The following OR4N2 variants were observed in gnomAD, a reference collection of about 807,000 sequenced individuals.
OR4N2 encodes the protein olfactory receptor 4N2.
For synonymous variants in OR4N2, 141 were observed against 140.4 expected, an observed-to-expected ratio of 1.00 and a Z score of -0.03; for missense variants, 307 against 377.6, an observed-to-expected ratio of 0.81 and a Z score of 1.55.
intron 1 of OR4N2, among the ~76,000 whole-genome samples, chr14:19,806,180 T>C (rs2635545): frequency 0.083 from 12,429 of 149,340 alleles, 104 homozygotes; most frequent in East Asian, 0.18. Context: ...GTCTATAAAA[T>C]ATCCAGCTAA....
At chr14:19,821,790 C>T (rs1257149694) in intron 1 of OR4N2, 1 of 152,244 alleles carries the variant, frequency 6.6e-6, no homozygotes, top group Non-Finnish European at 1.5e-5. Context: ...TAATAACTCC[C>T]TTTGGAAGCA....
At chr14:19,804,295 G>A (rs1780897) in intron 1 of OR4N2, among the ~76,000 whole-genome samples, 10,703 of 149,612 alleles carry the variant, frequency 0.072, 77 homozygotes, top group East Asian at 0.18. Context: ...ATGTTAGGAT[G>A]TTAATTTGAA....
intron 1 of OR4N2, among the ~76,000 whole-genome samples, chr14:19,817,391 G>T (rs1879453296): frequency 6.6e-6 from 1 of 152,236 alleles, no homozygotes; most frequent in African/African-American, 2.4e-5. Flanking sequence ...TCTATTCAGG[G>T]ATTTGACTTC....
chr14:19,807,842 G>T (rs1255814714), intron 1 of OR4N2, among the ~76,000 whole-genome samples: 3 of 152,018 alleles, frequency 2.0e-5, no homozygotes, highest in African/African-American at 7.2e-5. Context: ...TCAACAAAAT[G>T]TTAGCTAATT....
intron 1 of OR4N2, among the ~76,000 whole-genome samples, chr14:19,820,943 C>A (rs1472680658): frequency 6.6e-6 from 1 of 152,228 alleles, no homozygotes; most frequent in East Asian, 1.9e-4. Context: ...GTGAATAGTT[C>A]TATCTTGCTG....
intron 1 of OR4N2, among the ~76,000 whole-genome samples, chr14:19,823,950 G>A (rs1292099283): frequency 1.2e-4 from 19 of 152,230 alleles, no homozygotes; most frequent in Non-Finnish European, 1.9e-4. Flanking sequence ...TGCACACACA[G>A]AGTTGCCTGG....
At chr14:19,827,161 C>A (rs117724789) in intron 1 of OR4N2, among the ~76,000 whole-genome samples, 3 of 152,220 alleles carry the variant, frequency 2.0e-5, no homozygotes, top group African/African-American at 7.2e-5. Flanking sequence ...GGAATCCCAA[C>A]GTGGAGGATA....
rs148173559 is a variant in OR4N2, at chr14:19,816,950, G to T, written c.-9-10490G>T. ...CCTTTTCTGCATCTATTGAGATAAT[G>T]ATGTGGTGTTTTTCACTGGTTCTGT... is the stretch of plus-strand genomic sequence containing the variant. On this transcript the variant is annotated intron_variant, in intron 1 of 1. Transcript: ENST00000557677. 4.6e-5 allele frequency among the ~76,000 whole-genome samples: 7 copies of T among 152,364 alleles called. No homozygotes were observed. The East Asian group carries it at 9.6e-4, about 21-fold the overall frequency.
In OR4N2 at chr14:19,829,239, A is replaced by C. The variant is rs1879805939; in HGVS notation, c.*867A>C. On this transcript the variant is annotated 3_prime_UTR_variant, in exon 2 of 2. Coordinates refer to ENST00000557677, the MANE Select transcript of OR4N2 (RefSeq NM_001004723.3). The stretch of plus-strand genomic sequence containing the variant: ...AAAACATTTTACTTTTTTTTTCTAG[A>C]GCTTCATGATTACTCCTAGCAAATT... The C allele has an allele frequency of 6.6e-6, 1 of 152,184 alleles. No individual in the cohort carries two copies. Among genetic ancestry groups the C allele is most frequent in the African/African-American group, 2.4e-5 (1 of 41,438 alleles). 9.4% of individuals were successfully genotyped at this position (152,184 alleles called of 1,614,324 possible).
At chr14:19,825,211 T>C (rs1278131031) in intron 1 of OR4N2, among the ~76,000 whole-genome samples, 1 of 152,272 alleles carries the variant, frequency 6.6e-6, no homozygotes, top group Non-Finnish European at 1.5e-5. Flanking sequence ...TGTGTCTAAG[T>C]ATGACTTTCA....
chr14:19,830,153 C>T lies in OR4N2; in HGVS notation c.*1781C>T, dbSNP rs1286389982. ...CCCTCACCTATAACATGAACTTTGT[C>T]CTCCCTATTGGGTGTAACCTTTAGC... On this transcript the variant is annotated 3_prime_UTR_variant, in exon 2 of 2. Transcript: ENST00000557677. The T allele has an allele frequency of 6.6e-6, 1 of 152,448 alleles. No homozygotes were observed. The highest frequency in any genetic ancestry group is 1.5e-5 in the Non-Finnish European group (1 of 68,192). 9.4% of individuals were successfully genotyped at this position (152,448 alleles called of 1,614,324 possible).
intron 1 of OR4N2, 65 bp from the exon 2 acceptor site, chr14:19,827,375 T>C (rs924444290): frequency 2.1e-6 from 3 of 1,396,408 alleles, no homozygotes; most frequent in Non-Finnish European, 2.9e-6. Flanking sequence ...TTTTTAGCTG[T>C]ATAACTAGTA....
intron 1 of OR4N2, among the ~76,000 whole-genome samples, chr14:19,812,500 TTTTGTTTGTTTG>T (rs531494706): frequency 1.3e-5 from 2 of 148,292 alleles, no homozygotes; most frequent in East Asian, 3.9e-4. Flanking sequence ...GAGATAATTT[TTTTGTTTGTTTG>T]TTTGTTTGTT....
intron 1 of OR4N2, among the ~76,000 whole-genome samples, chr14:19,819,786 C>T (rs1177876348): frequency 6.6e-6 from 1 of 152,242 alleles, no homozygotes. Flanking sequence ...GAATTTTCAG[C>T]CTTTTTGCTC....
intron 1 of OR4N2, chr14:19,821,978 G>A (rs557104783): frequency 3.9e-5 from 6 of 152,248 alleles, no homozygotes; most frequent in African/African-American, 1.4e-4. Context: ...GATCCCTGAA[G>A]GCTTAAATTT....
chr14:19,826,958 T>TGGGAATTACAC (rs1189504074), intron 1 of OR4N2, among the ~76,000 whole-genome samples: 1 of 152,248 alleles, frequency 6.6e-6, no homozygotes, highest in East Asian at 1.9e-4. Flanking sequence ...AGCTAGGAAC[T>TGGGAATTACAC]GGGAATTACA....
chr14:19,804,553 T>G (rs1879117373), intron 1 of OR4N2, among the ~76,000 whole-genome samples: 1 of 152,258 alleles, frequency 6.6e-6, no homozygotes, highest in Non-Finnish European at 1.5e-5. Flanking sequence ...CATTGTAATC[T>G]GAGAAAGTGT....
At chr14:19,821,066 C>T (rs1204521339) in intron 1 of OR4N2, among the ~76,000 whole-genome samples, 1 of 152,262 alleles carries the variant, frequency 6.6e-6, no homozygotes. Context: ...GGTGTAGGCA[C>T]CTGAGGGAAT....
rs11847001 is a variant in OR4N2, at chr14:19,819,473, G to A, written c.-9-7967G>A. ...CTGGTATCCTTTCTTCCGCTCCATC[G>A]ATTTGGCTATTGATACTTGCGTATG... On this transcript the variant is annotated intron_variant, in intron 1 of 1. Coordinates refer to ENST00000557677, the MANE Select transcript of OR4N2 (RefSeq NM_001004723.3). Among the ~76,000 whole-genome samples, 357 of 152,242 alleles carry A rather than the reference G, an allele frequency of 2.3e-3. 1 individual carries two copies. The highest frequency in any genetic ancestry group is 8.2e-3 in the African/African-American group (340 of 41,508).
Sources: gnomAD v4.1 joint callset for allele counts (sites outside exome capture counted in the v4.1 genomes callset) on GRCh38, gnomAD v4.1.1 for gene constraint, MANE v1.5 for transcripts, NCBI Gene and HGNC (gene_info 2026-07-23, HGNC 2026-07-21) for gene names.